Variants in PRR5L observed in about 807,000 individuals in gnomAD.
PRR5L encodes the protein proline rich 5 like, also known as proline-rich protein 5-like.
PRR5L carries 21 observed loss-of-function variants against 36.4 expected under a neutral mutation model. That is an observed-to-expected ratio of 0.58 (90% CI 0.41 to 0.83). PRR5L has a LOEUF of 0.83. PRR5L is among the 40% of genes least tolerant of loss of function. PRR5L has a pLI of 0.00. For synonymous variants in PRR5L, 188 were observed against 197.0 expected (o/e 0.95, Z 0.38); for missense variants, 381 against 473.3 (o/e 0.80, Z 1.81).
chr11:36,348,495 T>C (rs1410640875), intron 1 of PRR5L, among the ~76,000 whole-genome samples: 6 of 152,198 alleles, frequency 3.9e-5, no homozygotes, highest in African/African-American at 1.4e-4. Flanking sequence ...ACCATGTGTT[T>C]ATCTCCTTCC....
chr11:36,459,320 TGCATGTTTCTGCCCTAGC>T, intron 8 of PRR5L, among the ~76,000 whole-genome samples: 1 of 152,274 alleles, frequency 6.6e-6, no homozygotes, highest in East Asian at 1.9e-4. Flanking sequence ...CCAAACTCTG[TGCATGTTTCTGCCCTAGC>T]GCAGCCCATG....
chr11:36,440,749 A>G (rs1590594306), intron 6 of PRR5L, among the ~76,000 whole-genome samples: 1 of 152,328 alleles, frequency 6.6e-6, no homozygotes, highest in East Asian at 1.9e-4. Context: ...AGGCTGAACA[A>G]GAAGTGTAGT....
intron 1 of PRR5L, among the ~76,000 whole-genome samples, chr11:36,363,022 G>T (rs145105547): frequency 6.6e-6 from 1 of 152,188 alleles, no homozygotes; most frequent in South Asian, 2.1e-4. Context: ...GTGCACCCAG[G>T]TTCACATGGC....
At chr11:36,337,130 G>C (rs1423145779) in intron 1 of PRR5L, among the ~76,000 whole-genome samples, 1 of 152,140 alleles carries the variant, frequency 6.6e-6, no homozygotes, top group African/African-American at 2.4e-5. Flanking sequence ...AAAATGCATT[G>C]TATTTGCCAC....
At chr11:36,444,509 A>C (rs113904584) in intron 6 of PRR5L, among the ~76,000 whole-genome samples, 2 of 152,356 alleles carry the variant, frequency 1.3e-5, no homozygotes, top group African/African-American at 2.4e-5. Flanking sequence ...AAAACCAAAA[A>C]CAATAAGGCA....
intron 1 of PRR5L, among the ~76,000 whole-genome samples, chr11:36,349,454 GA>G (rs1261231130): frequency 7.9e-5 from 12 of 152,110 alleles, no homozygotes; most frequent in Admixed American, 7.9e-4. Context: ...TGAGGGAGGG[GA>G]AACAGGAGGC....
chr11:36,308,900 T>C (rs983543749), intron 1 of PRR5L, among the ~76,000 whole-genome samples: 5 of 152,202 alleles, frequency 3.3e-5, no homozygotes, highest in African/African-American at 1.2e-4. Flanking sequence ...ATTAGTCACA[T>C]GGAACAGACA....
Position 36,451,442 on chromosome 11 carries a change from G to A in PRR5L, c.712+107G>A, listed in dbSNP as rs1282435694. 4.4e-6 allele frequency: 6 copies of A among 1,361,828 alleles called. No homozygotes were observed. The East Asian group carries it at 1.4e-4, about 32-fold the overall frequency. 84.4% of individuals were successfully genotyped at this position (1,361,828 alleles called of 1,614,324 possible). On this transcript the variant is annotated intron_variant, in intron 8 of 8. Coordinates refer to ENST00000530639, the MANE Select transcript of PRR5L (RefSeq NM_001160167.2). ...GCACTGATACCAGCACTGTTTAACT[G>A]AGCACAGCCTTTTGCTTCCTGTGCG...
At chr11:36,330,544 T>G (rs1229062521) in intron 1 of PRR5L, among the ~76,000 whole-genome samples, 1 of 152,176 alleles carries the variant, frequency 6.6e-6, no homozygotes, top group Non-Finnish European at 1.5e-5. Context: ...GCCCTTTTGT[T>G]AAACATGAAG....
At chr11:36,460,755 T>A (rs1374376467) in intron 8 of PRR5L, among the ~76,000 whole-genome samples, 1 of 152,242 alleles carries the variant, frequency 6.6e-6, no homozygotes, top group Non-Finnish European at 1.5e-5. Flanking sequence ...TGACCTTCGA[T>A]GTTAACTGCG....
At chr11:36,375,125 C>G (rs1367347109) in intron 1 of PRR5L, among the ~76,000 whole-genome samples, 1 of 151,926 alleles carries the variant, frequency 6.6e-6, no homozygotes, top group Admixed American at 6.6e-5. Context: ...ATCCCAGCTA[C>G]TCGGGAGGCT....
chr11:36,408,583 A>G (rs1446534785), intron 3 of PRR5L, among the ~76,000 whole-genome samples: 2 of 152,122 alleles, frequency 1.3e-5, no homozygotes, highest in African/African-American at 2.4e-5. Flanking sequence ...TGAATTCTCA[A>G]TGGGGTGTTA....
chr11:36,440,974 C>A (rs1276932386), intron 6 of PRR5L, among the ~76,000 whole-genome samples: 1 of 152,146 alleles, frequency 6.6e-6, no homozygotes, highest in African/African-American at 2.4e-5. Context: ...AAGGGGAGGG[C>A]ACCAAGCTGT....
intron 1 of PRR5L, among the ~76,000 whole-genome samples, chr11:36,310,589 A>G (rs187488154): frequency 9.3e-4 from 141 of 152,334 alleles, no homozygotes; most frequent in African/African-American, 3.2e-3. Flanking sequence ...GACTGAAGCT[A>G]AATCCTACCA....
At chr11:36,366,454 G>T (rs1857144915) in intron 1 of PRR5L, among the ~76,000 whole-genome samples, 1 of 151,978 alleles carries the variant, frequency 6.6e-6, no homozygotes, top group South Asian at 2.1e-4. Context: ...GAAGAGGGAG[G>T]CATATGCCAT....
At chr11:36,372,639 G>A (rs945248137) in intron 1 of PRR5L, among the ~76,000 whole-genome samples, 11 of 152,164 alleles carry the variant, frequency 7.2e-5, no homozygotes, top group African/African-American at 2.4e-4. Context: ...AACAAGAGAA[G>A]CAGGGAGTGG....
chr11:36,416,817 C>T (rs1858153676), intron 3 of PRR5L, among the ~76,000 whole-genome samples: 1 of 64,292 alleles, frequency 1.6e-5, no homozygotes, highest in Admixed American at 2.3e-4. Flanking sequence ...TCGTGCCCTC[C>T]CTGATAGGAG....
chr11:36,322,846 A>T (rs1422445634), intron 1 of PRR5L, among the ~76,000 whole-genome samples: 3 of 152,178 alleles, frequency 2.0e-5, no homozygotes, highest in Non-Finnish European at 4.4e-5. Flanking sequence ...AGTCCTTATA[A>T]AAAGAGAAGA....
intron 4 of PRR5L, among the ~76,000 whole-genome samples, chr11:36,422,288 C>T (rs373200681): frequency 2.4e-4 from 36 of 152,224 alleles, no homozygotes; most frequent in African/African-American, 8.2e-4. Context: ...TGTCAGATGT[C>T]GTTTCAGGAG....
Sources: allele counts gnomAD v4.1 joint callset (sites outside exome capture counted in the v4.1 genomes callset), GRCh38; gene constraint gnomAD v4.1.1; transcripts MANE v1.5; gene names NCBI Gene and HGNC (gene_info 2026-07-23, HGNC 2026-07-21).